Variants in PAPPA observed in about 807,000 individuals in gnomAD.
PAPPA encodes the protein pappalysin 1.
In PAPPA, 60 loss-of-function variants were observed where a neutral mutation model predicts 164.0. The ratio of observed to expected loss-of-function variants is 0.37; its 90% CI spans 0.30 to 0.45. The LOEUF is 0.45. Among genes scored for constraint, PAPPA ranks in the 20% least tolerant of loss-of-function variants. PAPPA has a pLI of 1.00. For missense variants in PAPPA, 1,782 were observed against 2,087.3 expected (o/e 0.85, Z 2.85); for synonymous variants, 875 against 814.1 (o/e 1.07, Z -1.27).
intron 1 of PAPPA, among the ~76,000 whole-genome samples, chr9:116,166,517 C>T (rs948039073): frequency 1.3e-5 from 2 of 152,236 alleles, no homozygotes; most frequent in East Asian, 3.9e-4. Flanking sequence ...ATCTGCTTTC[C>T]TTGATTTTCC....
chr9:116,154,729 C>A lies in PAPPA; in HGVS notation c.415+142C>A. 1 of 408,058 alleles carries A rather than the reference C, an allele frequency of 2.5e-6. No individual in the cohort carries two copies. Among genetic ancestry groups the A allele is most frequent in the Non-Finnish European group, 2.9e-6 (1 of 340,902 alleles). 25.3% of individuals were successfully genotyped at this position (408,058 alleles called of 1,614,324 possible). A position where few individuals can be genotyped will look rare whatever the true frequency, so the allele number is the denominator to read the frequency against. On this transcript the variant is annotated intron_variant, in intron 1 of 21. Coordinates refer to ENST00000328252, the MANE Select transcript of PAPPA (RefSeq NM_002581.5). This position sits in a 1 kb window ranked among gnomAD's most constrained non-coding sequence, Gnocchi z 5.2. Reference sequence around the variant, plus strand: ...TGCCCCGCGAGCGGCGCAGAGACATCCGGGCGAGCTGAGAGCCTCACTTTG... The same window carrying A: ...TGCCCCGCGAGCGGCGCAGAGACATACGGGCGAGCTGAGAGCCTCACTTTG...
intron 9 of PAPPA, among the ~76,000 whole-genome samples, chr9:116,293,251 A>C (rs1209767371): frequency 1.3e-5 from 2 of 152,236 alleles, no homozygotes; most frequent in African/African-American, 4.8e-5. Flanking sequence ...AACAGAATGA[A>C]AGGAGGTTTG....
At chr9:116,191,919 T>C (rs568085421) in intron 2 of PAPPA, among the ~76,000 whole-genome samples, 2 of 152,140 alleles carry the variant, frequency 1.3e-5, no homozygotes, top group South Asian at 2.1e-4. Context: ...CGGGCAACCA[T>C]GGAGAGCCAT....
chr9:116,367,485 G>T (rs538942325), intron 18 of PAPPA, among the ~76,000 whole-genome samples, 160 bp from the exon 19 acceptor site: 1 of 152,204 alleles, frequency 6.6e-6, no homozygotes, highest in African/African-American at 2.4e-5. Context: ...GAGAACAGAG[G>T]TGGCCCTGCC....
rs1302709698 is a variant in PAPPA, at chr9:116,397,386, T to G, written c.*770T>G. On this transcript the variant is annotated 3_prime_UTR_variant, in exon 22 of 22. Coordinates refer to ENST00000328252, the MANE Select transcript of PAPPA (RefSeq NM_002581.5). ...ATTATATCAGCCCCTTGCTTGAGGC[T>G]TGAGGTCATAATATCCCTCTAGGAC... The G allele has an allele frequency of 6.5e-6, 1 of 152,730 alleles. No homozygotes were observed. The highest frequency in any genetic ancestry group is 2.4e-5 in the African/African-American group (1 of 41,474). The allele number at this position is 152,730 out of a possible 1,614,324, so 9.5% of individuals were successfully genotyped here.
rs79465543 is a variant in PAPPA, at chr9:116,353,286, G to T, written c.4176-336G>T. ...CTCACAAAATGCTTTGCACGTAGTA[G>T]TTGTTCAGTAAATGGTGGGTAATCA... is the stretch of plus-strand genomic sequence containing the variant. On this transcript the variant is annotated intron_variant, in intron 16 of 21. Coordinates refer to ENST00000328252, the MANE Select transcript of PAPPA (RefSeq NM_002581.5). 1.6e-3 allele frequency among the ~76,000 whole-genome samples: 236 copies of T among 152,248 alleles called. 1 individual carries two copies. Among genetic ancestry groups the T allele is most frequent in the African/African-American group, 5.2e-3 (218 of 41,540 alleles).
At chr9:116,160,852 C>CT (rs1350440475) in intron 1 of PAPPA, among the ~76,000 whole-genome samples, 3 of 152,188 alleles carry the variant, frequency 2.0e-5, no homozygotes, top group African/African-American at 7.2e-5. Flanking sequence ...AGTTCCTTGG[C>CT]TTGTTTGAAG....
At chr9:116,346,710 C>T (rs998278081) in intron 14 of PAPPA, among the ~76,000 whole-genome samples, 4 of 152,292 alleles carry the variant, frequency 2.6e-5, no homozygotes, top group East Asian at 1.9e-4. Context: ...AAATGGAAAT[C>T]GTGATCTGGG....
chr9:116,334,252 A>AAC (rs1250134999), intron 12 of PAPPA, among the ~76,000 whole-genome samples: 113 of 150,632 alleles, frequency 7.5e-4, no homozygotes, highest in African/African-American at 2.5e-3. Flanking sequence ...AAAAAAAAAA[A>AAC]AAAAAAAACA....
chr9:116,235,047 C>T (rs1171613874), intron 6 of PAPPA, 92 bp from the exon 7 acceptor site: 8 of 1,461,542 alleles, frequency 5.5e-6, no homozygotes, highest in East Asian at 4.5e-5. Flanking sequence ...AAGTTCTAGT[C>T]AGACCAATTT....
rs150647595 is a variant in PAPPA, at chr9:116,259,559, A to G, written c.2733-6298A>G. The stretch of plus-strand genomic sequence containing the variant: ...ATGTGAAAAGATACTCAGGCTTGTT[A>G]GTAATCAGGGAAAGGCAAAATAAAA... On this transcript the variant is annotated intron_variant, in intron 7 of 21. Coordinates refer to ENST00000328252, the MANE Select transcript of PAPPA (RefSeq NM_002581.5). 6.0e-3 allele frequency among the ~76,000 whole-genome samples: 907 copies of G among 152,378 alleles called. 9 individuals carry two copies. The highest frequency in any genetic ancestry group is 0.021 in the African/African-American group (854 of 41,598).
chr9:116,290,537 G>C lies in PAPPA; in HGVS notation c.2954-12220G>C, dbSNP rs144388798. Among the ~76,000 whole-genome samples the C allele has an allele frequency of 4.3e-3, 658 of 152,256 alleles. 2 individuals carry two copies. The highest frequency in any genetic ancestry group is 0.014 in the African/African-American group (594 of 41,546). The stretch of plus-strand genomic sequence containing the variant: ...GGAAACTGCAGCCCAGAGAGGGAAA[G>C]TGACTTGTCCAAAGTCATAGGGTTG... On this transcript the variant is annotated intron_variant, in intron 9 of 21. Coordinates refer to ENST00000328252, the MANE Select transcript of PAPPA (RefSeq NM_002581.5).
At chr9:116,368,884 A>G (rs1056763682) in intron 19 of PAPPA, among the ~76,000 whole-genome samples, 6 of 152,048 alleles carry the variant, frequency 3.9e-5, no homozygotes, top group African/African-American at 1.2e-4. Flanking sequence ...TGAGGGCACG[A>G]TTGCCAGGGC....
intron 12 of PAPPA, chr9:116,332,671 TA>T: frequency 2.0e-6 from 1 of 500,882 alleles, no homozygotes. Context: ...GATACAGGGA[TA>T]AGGGGCCAAT....
Position 116,269,097 on chromosome 9 carries a change from A to G in PAPPA, c.2862-2228A>G, listed in dbSNP as rs190983073. Among the ~76,000 whole-genome samples, 194 of 152,292 alleles carry G rather than the reference A, an allele frequency of 1.3e-3. 1 individual carries two copies. Among genetic ancestry groups the G allele is most frequent in the African/African-American group, 4.4e-3 (182 of 41,560 alleles). ...AATGGATGAACGTTTTGATAATGAC[A>G]ATAATATTTATACACACTTCTTGAG... is the stretch of plus-strand genomic sequence containing the variant. On this transcript the variant is annotated intron_variant, in intron 8 of 21. Transcript: ENST00000328252.
At chr9:116,369,080 TTC>T (rs1442054726) in intron 19 of PAPPA, among the ~76,000 whole-genome samples, 3 of 152,080 alleles carry the variant, frequency 2.0e-5, no homozygotes, top group African/African-American at 7.2e-5. Context: ...CTCCTCCCTC[TTC>T]TGATATACCT....
rs139038479 is a variant in PAPPA at position 116,166,005 on chromosome 9, G to A, written c.415+11418G>A. 3.2e-3 allele frequency among the ~76,000 whole-genome samples: 492 copies of A among 152,284 alleles called. 1 individual carries two copies. Among genetic ancestry groups the A allele is most frequent in the Middle Eastern group, 6.8e-3 (2 of 294 alleles). Reference sequence around the variant, plus strand: ...TATCTGACCTATAAAGGGGCTATATGTATTTTTGTTTAATAAATGGATAAC... The same window carrying A: ...TATCTGACCTATAAAGGGGCTATATATATTTTTGTTTAATAAATGGATAAC... On this transcript the variant is annotated intron_variant, in intron 1 of 21. Coordinates refer to ENST00000328252, the MANE Select transcript of PAPPA (RefSeq NM_002581.5).
At chr9:116,208,673 T>C (rs1844268228) in intron 3 of PAPPA, among the ~76,000 whole-genome samples, 1 of 152,226 alleles carries the variant, frequency 6.6e-6, no homozygotes, top group African/African-American at 2.4e-5. Flanking sequence ...CCTGGTCTCC[T>C]GGTGAAACAG....
chr9:116,300,260 C>CTTTTGTTTTG lies in PAPPA; in HGVS notation c.2954-2482_2954-2473dup, dbSNP rs59797817. ...TTCTTTCTTTTCTCTTTCTGTTTTT[C>CTTTTGTTTTG]TTTTGTTTTGTTTTGTTTTGTTTTT... On this transcript the variant is annotated intron_variant, in intron 9 of 21. Transcript: ENST00000328252. 7.1e-4 allele frequency among the ~76,000 whole-genome samples: 107 copies of CTTTTGTTTTG among 150,704 alleles called. 1 individual carries two copies. The highest frequency in any genetic ancestry group is 2.1e-3 in the South Asian group (10 of 4,742).
Sources: allele counts gnomAD v4.1 joint callset (sites outside exome capture counted in the v4.1 genomes callset), GRCh38; gene constraint gnomAD v4.1.1; non-coding constraint Gnocchi (gnomAD v3.1); transcripts MANE v1.5; gene names NCBI Gene and HGNC (gene_info 2026-07-23, HGNC 2026-07-21).